STPG2: variants seen among roughly 807,000 people sequenced by gnomAD.
STPG2 encodes the protein sperm-tail PG-rich repeat-containing protein 2.
STPG2 carries 56 observed loss-of-function variants against 54.2 expected under a neutral mutation model. That is an observed-to-expected ratio of 1.03 (90% CI 0.83 to 1.29). The LOEUF (loss-of-function observed/expected upper bound fraction) is 1.29, where lower values mean the gene tolerates loss of function less well. STPG2 is among the 50% of genes most tolerant of loss of function. The probability of loss-of-function intolerance (pLI) is 0.00; values close to 1 mark genes in which losing one functional copy is unlikely to be tolerated. For missense variants in STPG2, 596 were observed against 544.9 expected (o/e 1.09, Z -0.93); for synonymous variants, 200 against 181.8 (o/e 1.10, Z -0.81).
intron 8 of STPG2, among the ~76,000 whole-genome samples, chr4:97,856,150 C>T (rs1467005615): frequency 6.6e-6 from 1 of 152,006 alleles, no homozygotes; most frequent in Admixed American, 6.6e-5. Context: ...GGCTATTTGA[C>T]CTCTTTTTTG....
At position 97,710,470 on chromosome 4, in the gene STPG2, C is replaced by T. The variant is rs114168287; in HGVS notation, c.1320+2229G>A. 5.0e-3 allele frequency among the ~76,000 whole-genome samples: 755 copies of T among 152,112 alleles called. 10 individuals carry two copies. The highest frequency in any genetic ancestry group is 0.017 in the African/African-American group (707 of 41,532). The stretch of plus-strand genomic sequence containing the variant: ...CACCAGCATTGGACAGTTGGGGATC[C>T]TTTGTGGACATAAGACATTAAAAAT... On this transcript the variant is annotated intron_variant, in intron 10 of 10. Coordinates refer to ENST00000295268, the MANE Select transcript of STPG2 (RefSeq NM_174952.3).
intron 4 of STPG2, among the ~76,000 whole-genome samples, chr4:97,447,371 G>C (rs1729249949): frequency 6.6e-6 from 1 of 152,190 alleles, no homozygotes; most frequent in Non-Finnish European, 1.5e-5. Context: ...AAGTAATAAG[G>C]AGCCAAATGT....
chr4:97,774,213 G>A (rs966943852), intron 9 of STPG2, among the ~76,000 whole-genome samples: 2 of 152,100 alleles, frequency 1.3e-5, no homozygotes, highest in African/African-American at 4.8e-5. Flanking sequence ...TATTCTTGGA[G>A]TAACTTCAGT....
At chr4:98,067,809 G>A (rs17484018) in intron 5 of STPG2, among the ~76,000 whole-genome samples, 60,027 of 151,906 alleles carry the variant, frequency 0.4, 12,087 homozygotes, top group Middle Eastern at 0.46. Flanking sequence ...TTTGGTGGTT[G>A]AAGTCTTGCT....
At chr4:97,994,486 C>A (rs56134300) in intron 5 of STPG2, among the ~76,000 whole-genome samples, 11 of 152,242 alleles carry the variant, frequency 7.2e-5, no homozygotes, top group African/African-American at 2.4e-4. Context: ...TAAGTCCATT[C>A]GTTGTAGGGT....
At chr4:97,970,389 A>G (rs1458026579) in intron 7 of STPG2, among the ~76,000 whole-genome samples, 1 of 152,234 alleles carries the variant, frequency 6.6e-6, no homozygotes, top group African/African-American at 2.4e-5. Flanking sequence ...TGGAGGCATC[A>G]TGCTACCTGA....
intron 4 of STPG2, among the ~76,000 whole-genome samples, chr4:97,494,104 CAA>C (rs1313743060): frequency 1.3e-5 from 2 of 151,438 alleles, no homozygotes; most frequent in African/African-American, 4.8e-5. Flanking sequence ...AAGCTTATCT[CAA>C]AGAGATTTGG....
intron 5 of STPG2, among the ~76,000 whole-genome samples, chr4:98,019,611 A>G (rs1736103341): frequency 6.6e-6 from 1 of 151,250 alleles, no homozygotes; most frequent in South Asian, 2.1e-4. Context: ...CTTGGGCAGT[A>G]CGGCCATTTT....
chr4:97,501,244 G>A (rs1259896729), intron 4 of STPG2, among the ~76,000 whole-genome samples: 5 of 152,008 alleles, frequency 3.3e-5, no homozygotes, highest in Non-Finnish European at 7.4e-5. Flanking sequence ...GGTGGAAAAT[G>A]TGTCTAGGAT....
intron 9 of STPG2, among the ~76,000 whole-genome samples, chr4:97,778,583 A>G (rs1387141419): frequency 6.6e-6 from 1 of 152,292 alleles, no homozygotes. Flanking sequence ...TGAAGAGAGT[A>G]GTGGTTCTCC....
intron 5 of STPG2, among the ~76,000 whole-genome samples, chr4:98,011,465 G>A (rs745631061): frequency 2.3e-4 from 35 of 152,004 alleles, no homozygotes; most frequent in Non-Finnish European, 3.1e-4. Flanking sequence ...TATGCCTTTC[G>A]ATATATAATC....
At chr4:97,530,381 T>C (rs1353043095) in intron 4 of STPG2, among the ~76,000 whole-genome samples, 5 of 152,192 alleles carry the variant, frequency 3.3e-5, no homozygotes, top group Non-Finnish European at 7.3e-5. Flanking sequence ...TGCGAAGGAA[T>C]GAATATGTTT....
chr4:97,973,704 C>T lies in STPG2; in HGVS notation c.773-1264G>A, dbSNP rs368253534. On this transcript the variant is annotated intron_variant, in intron 6 of 10. Transcript: ENST00000295268. ...ATCGTAACGACTTGGTGCCTTGCAT[C>T]CCAGCCACTCCAGCCATTGCTGAAA... 9.2e-5 allele frequency among the ~76,000 whole-genome samples: 14 copies of T among 152,300 alleles called. No homozygotes were observed. The East Asian group carries it at 2.3e-3, about 25-fold the overall frequency.
chr4:97,956,151 C>T (rs534178306), intron 7 of STPG2, among the ~76,000 whole-genome samples: 7 of 151,820 alleles, frequency 4.6e-5, no homozygotes, highest in African/African-American at 1.7e-4. Context: ...AAACAAAATA[C>T]AAGATAACAA....
chr4:97,970,353 A>G (rs1734280984), intron 7 of STPG2, among the ~76,000 whole-genome samples: 1 of 152,184 alleles, frequency 6.6e-6, no homozygotes, highest in Admixed American at 6.5e-5. Flanking sequence ...CATTGCCAAG[A>G]CAATCCTAAG....
At position 98,119,368 on chromosome 4, in the gene STPG2, C is replaced by CT. The variant is rs965746969; in HGVS notation, c.387+9059dup. On this transcript the variant is annotated intron_variant, in intron 3 of 10. Coordinates refer to ENST00000295268, the MANE Select transcript of STPG2 (RefSeq NM_174952.3). ...AAGCATATTCTACAAAATAAATAAA[C>CT]TGTACTCTTCAAAAAAAAAGTAAAG... Among the ~76,000 whole-genome samples the CT allele has an allele frequency of 7.0e-4, 106 of 151,870 alleles. 1 individual carries two copies. Among genetic ancestry groups the CT allele is most frequent in the African/African-American group, 2.4e-3 (101 of 41,460 alleles).
intron 9 of STPG2, among the ~76,000 whole-genome samples, chr4:97,776,068 T>C (rs1164994833): frequency 6.6e-6 from 1 of 152,180 alleles, no homozygotes; most frequent in African/African-American, 2.4e-5. Flanking sequence ...AGCTAATTAT[T>C]ACTGTTTTAA....
chr4:98,136,416 G>A (rs527857431), intron 1 of STPG2, among the ~76,000 whole-genome samples: 5 of 146,650 alleles, frequency 3.4e-5, no homozygotes, highest in East Asian at 2.0e-4. Context: ...TTAGCCTAAC[G>A]TTGGGGAAAA....
chr4:97,581,674 T>C (rs1236847254), intron 10 of STPG2, among the ~76,000 whole-genome samples: 1 of 152,092 alleles, frequency 6.6e-6, no homozygotes, highest in East Asian at 1.9e-4. Context: ...AAAATGATTA[T>C]TGTAATATTA....
Sources: gnomAD v4.1 joint callset for allele counts (sites outside exome capture counted in the v4.1 genomes callset) on GRCh38, gnomAD v4.1.1 for gene constraint, MANE v1.5 for transcripts, NCBI Gene and HGNC (gene_info 2026-07-23, HGNC 2026-07-21) for gene names.